The following DOK6 variants were observed in gnomAD, a reference collection of about 807,000 sequenced individuals.
DOK6 encodes downstream of tyrosine kinase 6.
DOK6 carries 22 observed loss-of-function variants against 44.0 expected under a neutral mutation model. The ratio of observed to expected loss-of-function variants is 0.50; its 90% CI spans 0.36 to 0.71. The LOEUF (loss-of-function observed/expected upper bound fraction) is 0.71, where lower values mean the gene tolerates loss of function less well. DOK6 is among the 30% of genes least tolerant of loss of function. The pLI, the probability that DOK6 is intolerant of heterozygous loss-of-function variation, is 0.00. For synonymous variants in DOK6, 166 were observed against 145.5 expected, an observed-to-expected ratio of 1.14 and a Z score of -1.01; for missense variants, 340 against 416.4, an observed-to-expected ratio of 0.82 and a Z score of 1.60.
chr18:69,754,393 A>G (rs1979288548), intron 6 of DOK6, among the ~76,000 whole-genome samples: 1 of 151,934 alleles, frequency 6.6e-6, no homozygotes, highest in Non-Finnish European at 1.5e-5. Flanking sequence ...TGCTTGAAAT[A>G]CTGTCTTAGT....
chr18:69,506,576 G>A (rs908297450), intron 1 of DOK6, among the ~76,000 whole-genome samples: 1 of 152,020 alleles, frequency 6.6e-6, no homozygotes, highest in Non-Finnish European at 1.5e-5. Flanking sequence ...ATATTTATCA[G>A]TGGGTCACTT....
chr18:69,795,668 C>T (rs546780567), intron 7 of DOK6, among the ~76,000 whole-genome samples: 16 of 152,206 alleles, frequency 1.1e-4, no homozygotes, highest in African/African-American at 3.8e-4. Flanking sequence ...GCCAGGCCCT[C>T]TTTTTAATAA....
At chr18:69,716,692 CAA>C (rs11351701) in intron 5 of DOK6, among the ~76,000 whole-genome samples, 10,648 of 104,992 alleles carry the variant, frequency 0.1, 250 homozygotes, top group Admixed American at 0.16. Flanking sequence ...GCAGAATTGA[CAA>C]AAAAAAAAAA....
At chr18:69,736,849 G>A (rs574636701) in intron 5 of DOK6, among the ~76,000 whole-genome samples, 1 of 152,288 alleles carries the variant, frequency 6.6e-6, no homozygotes, top group South Asian at 2.1e-4. Context: ...GTGACCTGTG[G>A]AGAAGGTTCT....
chr18:69,672,488 A>G (rs554326308), intron 3 of DOK6, among the ~76,000 whole-genome samples: 33 of 152,294 alleles, frequency 2.2e-4, no homozygotes, highest in African/African-American at 7.7e-4. Context: ...ACTCCCGAGT[A>G]GCTGGGATTA....
chr18:69,469,679 G>T, intron 1 of DOK6: 1 of 255,636 alleles, frequency 3.9e-6, no homozygotes, highest in South Asian at 3.8e-5. Context: ...TGCCGCCCCG[G>T]AGATACGCTG....
intron 5 of DOK6, among the ~76,000 whole-genome samples, chr18:69,723,065 A>G (rs1395349501): frequency 6.6e-6 from 1 of 152,200 alleles, no homozygotes; most frequent in Non-Finnish European, 1.5e-5. Context: ...ATCAACTATA[A>G]GTATTTTTAT....
At chr18:69,568,126 C>A (rs140348481) in intron 2 of DOK6, among the ~76,000 whole-genome samples, 36 of 152,346 alleles carry the variant, frequency 2.4e-4, no homozygotes, top group African/African-American at 8.2e-4. Flanking sequence ...CTGGCTCCCC[C>A]ATGTTCAACT....
chr18:69,657,433 T>C (rs2144668384), intron 3 of DOK6, among the ~76,000 whole-genome samples: 1 of 152,276 alleles, frequency 6.6e-6, no homozygotes, highest in South Asian at 2.1e-4. Context: ...TGAGAGAAGC[T>C]GAGCAGAGTT....
chr18:69,794,455 G>C (rs1980687040), intron 7 of DOK6, among the ~76,000 whole-genome samples: 1 of 152,054 alleles, frequency 6.6e-6, no homozygotes, highest in Non-Finnish European at 1.5e-5. Context: ...CATTGTTTCT[G>C]TTTCGTTAAA....
At position 69,701,235 on chromosome 18, in the gene DOK6, A is replaced by C. The variant is rs997849863; in HGVS notation, c.599+2642A>C. On this transcript the variant is annotated intron_variant, in intron 5 of 7. Transcript: ENST00000382713. Reference sequence around the variant, plus strand: ...CCTAGTGTGGGGCAGAAGGAGAACAAGGACCAGGAAACTCTCCATGGTAAT... The same window carrying C: ...CCTAGTGTGGGGCAGAAGGAGAACACGGACCAGGAAACTCTCCATGGTAAT... 1.2e-4 allele frequency among the ~76,000 whole-genome samples: 18 copies of C among 152,362 alleles called. 1 individual carries two copies. The highest frequency in any genetic ancestry group is 3.4e-3 in the Middle Eastern group (1 of 294).
chr18:69,755,836 T>G (rs917043147), intron 6 of DOK6, among the ~76,000 whole-genome samples: 6 of 152,190 alleles, frequency 3.9e-5, no homozygotes, highest in African/African-American at 1.4e-4. Context: ...ATTAGGCATG[T>G]GAACACATTG....
chr18:69,628,672 A>C (rs1984616642), intron 3 of DOK6, among the ~76,000 whole-genome samples: 1 of 152,226 alleles, frequency 6.6e-6, no homozygotes, highest in Admixed American at 6.5e-5. Context: ...TTTTATGAAC[A>C]TATTTGCCTA....
chr18:69,665,572 C>T (rs554823493), intron 3 of DOK6, among the ~76,000 whole-genome samples: 21 of 152,262 alleles, frequency 1.4e-4, no homozygotes, highest in Non-Finnish European at 2.1e-4. Context: ...TGCCTTAACT[C>T]GACCTCTGAA....
chr18:69,502,879 G>A (rs1369305989), intron 1 of DOK6, among the ~76,000 whole-genome samples: 1 of 152,078 alleles, frequency 6.6e-6, no homozygotes, highest in Non-Finnish European at 1.5e-5. Context: ...ACTCTTAATA[G>A]GATAAGGATA....
Position 69,625,345 on chromosome 18 carries a change from G to A in DOK6, c.289+25847G>A, listed in dbSNP as rs148785174. On this transcript the variant is annotated intron_variant, in intron 3 of 7. Coordinates refer to ENST00000382713, the MANE Select transcript of DOK6 (RefSeq NM_152721.6). ...GAATTTGTCAGGGAAGTAAATCTATGGTTTGCTTAGGTTCTCTGGTGATGC... is the reference window on the plus strand; with the variant it reads ...GAATTTGTCAGGGAAGTAAATCTATAGTTTGCTTAGGTTCTCTGGTGATGC... 7.9e-5 allele frequency among the ~76,000 whole-genome samples: 12 copies of A among 152,202 alleles called. 1 individual carries two copies. Among genetic ancestry groups the A allele is most frequent in the African/African-American group, 2.4e-4 (10 of 41,546 alleles).
intron 1 of DOK6, among the ~76,000 whole-genome samples, chr18:69,538,986 G>A (rs998146993): frequency 1.3e-5 from 2 of 152,136 alleles, no homozygotes; most frequent in South Asian, 4.1e-4. Flanking sequence ...GCAGATGTGA[G>A]AATTGAGGGA....
In DOK6 at chr18:69,848,223, ATTAAT is replaced by A. The variant is rs1488060565; in HGVS notation, c.*6844_*6848del. The A allele has an allele frequency of 6.6e-6, 1 of 151,880 alleles. No individual in the cohort carries two copies. Among genetic ancestry groups the A allele is most frequent in the Non-Finnish European group, 1.5e-5 (1 of 68,018 alleles). The allele number at this position is 151,880 out of a possible 1,614,324, so 9.4% of individuals were successfully genotyped here. A position where few individuals can be genotyped will look rare whatever the true frequency, so the allele number is the denominator to read the frequency against. ...TTTGCTTTTTGTAAATCTTTATTTA[ATTAAT>A]TTATATATACTTTGTGAAGTCTTAT... On this transcript the variant is annotated 3_prime_UTR_variant, in exon 8 of 8. Transcript: ENST00000382713.
intron 7 of DOK6, among the ~76,000 whole-genome samples, chr18:69,804,009 A>C (rs1245262986): frequency 6.6e-6 from 1 of 152,224 alleles, no homozygotes; most frequent in Admixed American, 6.5e-5. Context: ...ATATAAACCA[A>C]AAACAATTCA....
Sources: gnomAD v4.1 joint callset for allele counts (sites outside exome capture counted in the v4.1 genomes callset) on GRCh38, gnomAD v4.1.1 for gene constraint, MANE v1.5 for transcripts, NCBI Gene and HGNC (gene_info 2026-07-23, HGNC 2026-07-21) for gene names.